The following ZNF407 variants were observed in gnomAD, a reference collection of about 807,000 sequenced individuals.
ZNF407 encodes the protein zinc finger protein 407.
A neutral mutation model predicts 131.2 loss-of-function variants in ZNF407; 17 were observed. That is an observed-to-expected ratio of 0.13 (90% CI 0.09 to 0.19). The LOEUF (loss-of-function observed/expected upper bound fraction) is 0.19. ZNF407 is among the 10% of genes least tolerant of loss of function. ZNF407 has a pLI of 1.00. For synonymous variants in ZNF407, 1,156 were observed against 1,062.0 expected, an observed-to-expected ratio of 1.09 and a Z score of -1.72; for missense variants, 2,681 against 2,830.6, an observed-to-expected ratio of 0.95 and a Z score of 1.20.
chr18:75,054,027 A>G (rs1019317271), intron 8 of ZNF407, among the ~76,000 whole-genome samples: 1 of 152,216 alleles, frequency 6.6e-6, no homozygotes, highest in African/African-American at 2.4e-5. Context: ...TCCTGCCTCA[A>G]AGAGCCCGGG....
chr18:74,838,870 T>A (rs1970593459), intron 4 of ZNF407, among the ~76,000 whole-genome samples: 1 of 152,184 alleles, frequency 6.6e-6, no homozygotes, highest in Non-Finnish European at 1.5e-5. Flanking sequence ...CAAACTGTTT[T>A]GCAGCCATCA....
intron 4 of ZNF407, among the ~76,000 whole-genome samples, chr18:74,782,996 TA>T (rs1302928234): frequency 6.6e-6 from 1 of 152,222 alleles, no homozygotes; most frequent in African/African-American, 2.4e-5. Context: ...TCTTGAAATT[TA>T]AAAGCATACT....
intron 4 of ZNF407, among the ~76,000 whole-genome samples, chr18:74,820,458 T>A (rs922228728): frequency 6.6e-6 from 1 of 152,224 alleles, no homozygotes; most frequent in African/African-American, 2.4e-5. Context: ...TGGATGGCTC[T>A]CAGGGCCTGC....
At chr18:74,623,234 G>T (rs1031646345) in intron 1 of ZNF407, among the ~76,000 whole-genome samples, 12 of 151,822 alleles carry the variant, frequency 7.9e-5, no homozygotes. Context: ...GTGAGTGCGG[G>T]TGTTAGTGTG....
intron 8 of ZNF407, among the ~76,000 whole-genome samples, chr18:75,016,971 T>C (rs879494727): frequency 1.1e-4 from 17 of 152,120 alleles, no homozygotes; most frequent in Non-Finnish European, 2.2e-4. Flanking sequence ...AAAAAGCAGG[T>C]GTCTAACACT....
At chr18:75,047,475 A>C (rs1599310658) in intron 8 of ZNF407, among the ~76,000 whole-genome samples, 1 of 152,226 alleles carries the variant, frequency 6.6e-6, no homozygotes, top group Admixed American at 6.5e-5. Flanking sequence ...CTGGCCCAGC[A>C]TACTGCAGTC....
chr18:75,059,907 G>C (rs1973605248), intron 8 of ZNF407, among the ~76,000 whole-genome samples: 1 of 152,210 alleles, frequency 6.6e-6, no homozygotes, highest in South Asian at 2.1e-4. Context: ...CCTCGGTCAA[G>C]GCACCAGGCG....
At chr18:74,967,005 A>T (rs901721883) in intron 8 of ZNF407, among the ~76,000 whole-genome samples, 5 of 152,192 alleles carry the variant, frequency 3.3e-5, no homozygotes, top group Admixed American at 1.3e-4. Context: ...TCACACCTGT[A>T]ATCTGAACAC....
At chr18:74,755,771 T>TTCTTTCTTTCTTTCTCTC in intron 3 of ZNF407, among the ~76,000 whole-genome samples, 1 of 130,584 alleles carries the variant, frequency 7.7e-6, no homozygotes, top group East Asian at 2.2e-4. Flanking sequence ...CTTTCTTTCT[T>TTCTTTCTTTCTTTCTCTC]TCTCTCTCTC....
intron 8 of ZNF407, among the ~76,000 whole-genome samples, chr18:75,055,448 C>T (rs946751194): frequency 6.6e-5 from 10 of 152,238 alleles, no homozygotes; most frequent in Admixed American, 1.3e-4. Flanking sequence ...CCTTAAAGCA[C>T]GCATTCTCAT....
chr18:74,752,372 A>G (rs1287112871), intron 3 of ZNF407, among the ~76,000 whole-genome samples: 1 of 152,052 alleles, frequency 6.6e-6, no homozygotes, highest in Non-Finnish European at 1.5e-5. Context: ...GAAGCTCTTT[A>G]GTTTAATTAG....
rs182190741 is a variant in ZNF407, at chr18:74,881,450, G to A, written c.5128+331G>A. ...AATCTCTGCCTTAGGCCTCGTGGGT[G>A]GAAAATGGGGAGTCTTTGTCAACCA... is the stretch of plus-strand genomic sequence containing the variant. On this transcript the variant is annotated intron_variant, in intron 6 of 8. Coordinates refer to ENST00000299687, the MANE Select transcript of ZNF407 (RefSeq NM_017757.3). Among the ~76,000 whole-genome samples the A allele has an allele frequency of 5.1e-4, 77 of 152,228 alleles. 1 individual carries two copies. In the East Asian group the frequency reaches 0.013, roughly 26 times the overall value.
rs1357162355 is a variant in ZNF407 at position 74,633,533 on chromosome 18, T to C, written c.2514T>C (p.Thr838=). 6.2e-7 allele frequency: 1 copy of C among 1,613,948 alleles called. No homozygotes were observed. The highest frequency in any genetic ancestry group is 8.5e-7 in the Non-Finnish European group (1 of 1,179,864). The change falls in exon 2 of 9, where the codon ACT becomes ACC. Residue 838 remains threonine (T), a synonymous_variant. Coordinates refer to ENST00000299687, the MANE Select transcript of ZNF407 (RefSeq NM_017757.3). The part of the protein sequence containing the change: ...TKDDELASTT[T]PKRGRPKGNI... ...ATGATGAATTAGCTTCAACCACTAC[T>C]CCAAAGAGAGGGAGACCTAAAGGTA...
At chr18:74,939,631 C>G (rs568433251) in intron 8 of ZNF407, among the ~76,000 whole-genome samples, 3 of 152,182 alleles carry the variant, frequency 2.0e-5, no homozygotes, top group African/African-American at 7.2e-5. Flanking sequence ...CGACAGAAAT[C>G]TAAAAGGTTG....
intron 3 of ZNF407, among the ~76,000 whole-genome samples, chr18:74,648,937 G>A (rs773491649): frequency 3.9e-5 from 6 of 152,084 alleles, no homozygotes; most frequent in African/African-American, 7.2e-5. Flanking sequence ...AATCGCTTCC[G>A]TGGTCTGTGT....
At position 74,597,918 on chromosome 18, in the gene ZNF407, G is replaced by A. The variant is rs1304326344; in HGVS notation, c.-73G>A. 6.6e-6 allele frequency: 1 copy of A among 152,670 alleles called. No individual in the cohort carries two copies. Among genetic ancestry groups the A allele is most frequent in the Admixed American group, 6.5e-5 (1 of 15,288 alleles). The allele number at this position is 152,670 out of a possible 1,614,324, so 9.5% of individuals were successfully genotyped here. On this transcript the variant is annotated 5_prime_UTR_variant, in exon 1 of 9. Coordinates refer to ENST00000299687, the MANE Select transcript of ZNF407 (RefSeq NM_017757.3). ...GAGTCAGTCAGAGGGGCGAGCAGGA[G>A]CGATTCCGTCGCCAAACAGGTAAGT...
intron 3 of ZNF407, among the ~76,000 whole-genome samples, chr18:74,743,099 T>C (rs972681114): frequency 2.0e-5 from 3 of 152,068 alleles, no homozygotes; most frequent in Non-Finnish European, 2.9e-5. Context: ...ACATTTGTAG[T>C]GTGGCTGACT....
At chr18:74,709,662 G>A (rs1967710699) in intron 3 of ZNF407, among the ~76,000 whole-genome samples, 1 of 152,160 alleles carries the variant, frequency 6.6e-6, no homozygotes, top group African/African-American at 2.4e-5. Flanking sequence ...GTTTGATACT[G>A]TGCCGCACTT....
At chr18:74,682,347 G>A (rs1489532509) in intron 3 of ZNF407, among the ~76,000 whole-genome samples, 1 of 152,202 alleles carries the variant, frequency 6.6e-6, no homozygotes, top group East Asian at 1.9e-4. Flanking sequence ...TCCTCTGTGG[G>A]TTTCAACAGA....
Sources: allele counts gnomAD v4.1 joint callset (sites outside exome capture counted in the v4.1 genomes callset), GRCh38; gene constraint gnomAD v4.1.1; transcripts MANE v1.5; gene names NCBI Gene and HGNC (gene_info 2026-07-23, HGNC 2026-07-21).